The following OTOGL variants were observed in gnomAD, a reference collection of about 807,000 sequenced individuals.
OTOGL encodes the protein otogelin-like protein.
In OTOGL, 285 loss-of-function variants were observed where a neutral mutation model predicts 318.5. The observed-to-expected ratio is 0.89, with a 90% CI of 0.81 to 0.99. The LOEUF (loss-of-function observed/expected upper bound fraction) is 0.99, where lower values mean the gene tolerates loss of function less well. Among genes scored for constraint, OTOGL ranks in the 50% least tolerant of loss-of-function variants. The pLI is 0.00. For synonymous variants in OTOGL, 987 were observed against 936.5 expected (o/e 1.05, Z -0.99); for missense variants, 2,899 against 2,845.6 (o/e 1.02, Z -0.43).
chr12:80,149,834 G>C (rs1007411451), intron 1 of OTOGL, among the ~76,000 whole-genome samples: 2 of 152,110 alleles, frequency 1.3e-5, no homozygotes, highest in African/African-American at 2.4e-5. Flanking sequence ...TGATTTTCCA[G>C]GTGCCGGCTG....
chr12:80,108,834 T>TATG (rs1491573282), intron 1 of OTOGL, among the ~76,000 whole-genome samples: 3 of 105,762 alleles, frequency 2.8e-5, no homozygotes, highest in African/African-American at 8.1e-5. Context: ...TGTATATATA[T>TATG]TGTATATATA....
chr12:80,228,440 T>G (rs1879072034), intron 7 of OTOGL, among the ~76,000 whole-genome samples: 1 of 150,830 alleles, frequency 6.6e-6, no homozygotes, highest in Non-Finnish European at 1.5e-5. Context: ...AGGCTCTATC[T>G]CAAAAAACAA....
rs548586879 is a variant in OTOGL, at chr12:80,337,726, T to C, written c.4860+722T>C. 5.3e-5 allele frequency among the ~76,000 whole-genome samples: 8 copies of C among 152,174 alleles called. 1 individual carries two copies. In the Middle Eastern group the frequency reaches 0.014, roughly 259 times the overall value. ...TTTTCTTAAAATGGCTGAAGTACTA[T>C]GTACTTTCTGGAAATAACTCCATTT... is the stretch of plus-strand genomic sequence containing the variant. On this transcript the variant is annotated intron_variant, in intron 42 of 58. Coordinates refer to ENST00000547103, the MANE Select transcript of OTOGL (RefSeq NM_001378609.3).
At chr12:80,285,666 G>A (rs1456766119) in intron 26 of OTOGL, among the ~76,000 whole-genome samples, 1 of 151,976 alleles carries the variant, frequency 6.6e-6, no homozygotes, top group Non-Finnish European at 1.5e-5. Context: ...CTCATAATTT[G>A]GTTCTCTGTT....
rs563660919 is a variant in OTOGL at position 80,192,445 on chromosome 12, G to A, written c.-19-16968G>A. Among the ~76,000 whole-genome samples the A allele has an allele frequency of 5.3e-5, 8 of 152,244 alleles. No homozygotes were observed. The South Asian group carries it at 8.3e-4, about 16-fold the overall frequency. ...CTAGCCCCCTTTCTTTGCTCTCACC[G>A]TGTGATCTGACTTTCTCACAGAAGT... On this transcript the variant is annotated intron_variant, in intron 1 of 58. Coordinates refer to ENST00000547103, the MANE Select transcript of OTOGL (RefSeq NM_001378609.3).
chr12:80,110,091 C>T (rs6539488), intron 1 of OTOGL, among the ~76,000 whole-genome samples: 82,866 of 135,140 alleles, frequency 0.61, 25,449 homozygotes, highest in African/African-American at 0.74. Flanking sequence ...TTTTTTGAGA[C>T]GGAGTCTCAC....
At chr12:80,352,932 A>G (rs1889643261) in intron 45 of OTOGL, among the ~76,000 whole-genome samples, 1 of 152,088 alleles carries the variant, frequency 6.6e-6, no homozygotes, top group Admixed American at 6.6e-5. Flanking sequence ...TTTCTTTTTT[A>G]TGATTTGGTT....
Position 80,358,778 on chromosome 12 carries a change from A to G in OTOGL, c.6226+3A>G, listed in dbSNP as rs772557728. ...ATGTTGCCCAACATGGCACTGTGGT[A>G]ACTAATTTTCATATTTTAAGGTTTC... On this transcript the variant is annotated splice_donor_region_variant and intron_variant, in intron 51 of 58. Coordinates refer to ENST00000547103, the MANE Select transcript of OTOGL (RefSeq NM_001378609.3). 6.3e-7 allele frequency: 1 copy of G among 1,597,488 alleles called. No homozygotes were observed. The highest frequency in any genetic ancestry group is 8.6e-7 in the Non-Finnish European group (1 of 1,167,032).
At chr12:80,318,469 A>C (rs1887110257) in intron 32 of OTOGL, 77 bp from the exon 33 acceptor site, 1 of 1,033,734 alleles carries the variant, frequency 9.7e-7, no homozygotes, top group Non-Finnish European at 1.3e-6. Context: ...TTGTTATTAA[A>C]ACATTTCTTT....
chr12:80,378,107 T>C lies in OTOGL; in HGVS notation c.*59T>C. 7.9e-7 allele frequency: 1 copy of C among 1,271,786 alleles called. No homozygotes were observed. Among genetic ancestry groups the C allele is most frequent in the Non-Finnish European group, 1.1e-6 (1 of 913,542 alleles). The allele number at this position is 1,271,786 out of a possible 1,614,324, so 78.8% of individuals were successfully genotyped here. Reference sequence around the variant, plus strand: ...TAACGTCAGATAGAATTAACTTTTATTGCTATTACTTAGGCATGTGGCAGA... The same window carrying C: ...TAACGTCAGATAGAATTAACTTTTACTGCTATTACTTAGGCATGTGGCAGA... On this transcript the variant is annotated 3_prime_UTR_variant, in exon 59 of 59. Transcript: ENST00000547103.
chr12:80,290,570 T>C (rs1195236922), intron 26 of OTOGL, among the ~76,000 whole-genome samples: 2 of 152,218 alleles, frequency 1.3e-5, no homozygotes, highest in African/African-American at 2.4e-5. Flanking sequence ...ACATGACATG[T>C]TCCCATTGGA....
rs776223885 is a variant in OTOGL at position 80,266,616 on chromosome 12, T to G, written c.2390T>G (p.Ile797Arg). Residue 797 changes from isoleucine to arginine, a missense_variant and splice_region_variant, in exon 21 of 59, where the codon ATA becomes AGA. Physicochemically the swap from Ile to Arg is moderately conservative, Grantham distance 97 (BLOSUM62 -3). This residue lies in a region of OTOGL where 2,607 missense variants were observed against 2,524.9 expected (regional missense o/e 1.03). Transcript: ENST00000547103. Reference protein sequence around the residue: ...YEDTLNFCVPIFHCRCHYRGS... With the variant: ...YEDTLNFCVPRFHCRCHYRGS... ...GACACTCTTAACTTTTGTGTACCCATGTAAGTCGTAGAAACAGGTTGGCAG... is the reference window on the plus strand; with the variant it reads ...GACACTCTTAACTTTTGTGTACCCAGGTAAGTCGTAGAAACAGGTTGGCAG... 6.2e-7 allele frequency: 1 copy of G among 1,612,556 alleles called. No individual in the cohort carries two copies. The highest frequency in any genetic ancestry group is 8.5e-7 in the Non-Finnish European group (1 of 1,179,030).
rs187139863 is a variant in OTOGL at position 80,342,242 on chromosome 12, A to G, written c.5265+80A>G. The G allele has an allele frequency of 1.1e-3, 1,201 of 1,131,930 alleles. 2 individuals carry two copies. Among genetic ancestry groups the G allele is most frequent in the Non-Finnish European group, 1.3e-3 (1,008 of 799,888 alleles). 70.1% of individuals were successfully genotyped at this position (1,131,930 alleles called of 1,614,324 possible). On this transcript the variant is annotated intron_variant, in intron 44 of 58. Coordinates refer to ENST00000547103, the MANE Select transcript of OTOGL (RefSeq NM_001378609.3). ...AAGCCAATACGTTACTGTTCTTGCTATAATGTTCTTCTACTGAGAACAAAA... is the reference window on the plus strand; with the variant it reads ...AAGCCAATACGTTACTGTTCTTGCTGTAATGTTCTTCTACTGAGAACAAAA...
chr12:80,356,631 C>T (rs983780112), intron 48 of OTOGL, 111 bp downstream of exon 48: 42 of 919,528 alleles, frequency 4.6e-5, no homozygotes, highest in South Asian at 3.0e-4. Flanking sequence ...TAAAAGATTG[C>T]GGACTTGTCT....
Position 80,150,044 on chromosome 12 carries a change from G to A in OTOGL, c.-20+50439G>A, listed in dbSNP as rs112445686. The stretch of plus-strand genomic sequence containing the variant: ...TCGCTCACGCTGGGAGCTGTAGACC[G>A]GAGCTGTTCCTATTCGGCCATCTTG... On this transcript the variant is annotated intron_variant, in intron 1 of 58. Coordinates refer to ENST00000547103, the MANE Select transcript of OTOGL (RefSeq NM_001378609.3). Among the ~76,000 whole-genome samples, 1,204 of 152,176 alleles carry A rather than the reference G, an allele frequency of 7.9e-3. 5 individuals carry two copies. The highest frequency in any genetic ancestry group is 0.013 in the Non-Finnish European group (896 of 67,998).
chr12:80,238,746 A>T, intron 9 of OTOGL, 105 bp from the exon 10 acceptor site: 1 of 1,227,184 alleles, frequency 8.1e-7, no homozygotes, highest in African/African-American at 1.6e-5. Context: ...TACTGAGTTT[A>T]ATGTTTTGAC....
At chr12:80,153,420 A>G (rs1329560891) in intron 1 of OTOGL, among the ~76,000 whole-genome samples, 2 of 152,134 alleles carry the variant, frequency 1.3e-5, no homozygotes, top group Non-Finnish European at 2.9e-5. Flanking sequence ...TAAGTTTTCA[A>G]CATAAGAATT....
chr12:80,183,254 C>T (rs1281927996), intron 1 of OTOGL, among the ~76,000 whole-genome samples: 2 of 152,142 alleles, frequency 1.3e-5, no homozygotes, highest in African/African-American at 4.8e-5. Context: ...TGTTCTCTCT[C>T]TCACTCCCTT....
At chr12:80,182,719 T>A (rs1277549080) in intron 1 of OTOGL, among the ~76,000 whole-genome samples, 1 of 152,190 alleles carries the variant, frequency 6.6e-6, no homozygotes, top group Admixed American at 6.5e-5. Flanking sequence ...GAATTGCACA[T>A]GTGAAATATG....
Sources: allele counts gnomAD v4.1 joint callset (sites outside exome capture counted in the v4.1 genomes callset), GRCh38; gene constraint gnomAD v4.1.1; regional missense constraint gnomAD v4.1.1; transcripts MANE v1.5; gene names NCBI Gene and HGNC (gene_info 2026-07-23, HGNC 2026-07-21).